The following GABRE variants were observed in gnomAD, a reference collection of about 807,000 sequenced individuals.
GABRE encodes gamma-aminobutyric acid receptor subunit epsilon.
Under a neutral mutation model 31.0 loss-of-function variants are expected in GABRE, and 20 were observed. The observed-to-expected ratio is 0.64, with a 90% CI of 0.45 to 0.94. The LOEUF (loss-of-function observed/expected upper bound fraction) is 0.94. GABRE is among the 40% of genes least tolerant of loss of function. The probability of loss-of-function intolerance (pLI) is 0.00; values close to 1 mark genes in which losing one functional copy is unlikely to be tolerated. For synonymous variants in GABRE, 155 were observed against 150.6 expected, an observed-to-expected ratio of 1.03 and a Z score of -0.21; for missense variants, 420 against 410.7, an observed-to-expected ratio of 1.02 and a Z score of -0.20.
intron 3 of GABRE, among the ~76,000 whole-genome samples, chrX:151,968,719 C>G (rs1934597378): frequency 8.9e-6 from 1 of 111,873 alleles, no homozygotes. Flanking sequence ...TGCAGAGCAT[C>G]ATTCATCACT....
chrX:151,974,120 A>G (rs998099500), intron 1 of GABRE, among the ~76,000 whole-genome samples: 4 of 111,208 alleles, frequency 3.6e-5, no homozygotes, highest in African/African-American at 1.3e-4. Context: ...ACACTCACAC[A>G]TTTTTGGCGC....
At chrX:151,958,248 G>C in intron 6 of GABRE, 1 of 180,579 alleles carries the variant, frequency 5.5e-6, no homozygotes, top group East Asian at 2.3e-4. Context: ...TCTGGAGGCA[G>C]GGCTGGACTC....
At chrX:151,968,345 T>C (rs1934586058) in intron 3 of GABRE, among the ~76,000 whole-genome samples, 1 of 112,189 alleles carries the variant, frequency 8.9e-6, no homozygotes, top group Non-Finnish European at 1.9e-5. Context: ...TGTGAGATAA[T>C]GATTATTTGT....
At chrX:151,955,174 T>C in intron 8 of GABRE, 90 bp from the exon 9 acceptor site, 1 of 1,173,824 alleles carries the variant, frequency 8.5e-7, no homozygotes, top group African/African-American at 1.8e-5. Flanking sequence ...AAACTGTCTT[T>C]GGCACACCAT....
At chrX:151,972,988 T>C (rs1289779179) in intron 1 of GABRE, among the ~76,000 whole-genome samples, 3 of 109,075 alleles carry the variant, frequency 2.8e-5, no homozygotes, top group Non-Finnish European at 5.7e-5. Context: ...CGACTGTTGG[T>C]GGTGTGAGAA....
At chrX:151,961,633 C>A (rs1934377140) in intron 4 of GABRE, among the ~76,000 whole-genome samples, 1 of 110,780 alleles carries the variant, frequency 9.0e-6, no homozygotes, top group South Asian at 3.8e-4. Context: ...CTAATTTTTG[C>A]ATTTTTAGTG....
chrX:151,969,723 C>A lies in GABRE; in HGVS notation c.288G>T (p.Val96=). The A allele has an allele frequency of 8.3e-7, 1 of 1,209,513 alleles. No individual in the cohort carries two copies. The highest frequency in any genetic ancestry group is 1.1e-6 in the Non-Finnish European group (1 of 894,405). Residue 96 remains valine, a synonymous_variant, in exon 3 of 9, where the codon GTG becomes GTT. Transcript: ENST00000370328. ...LRPGIGEKPT[V]VTVEISVNSL... ...TGTTGACGGAGATCTCAACAGTGAC[C>A]ACAGTGGGCTTCTCTATAAGGGAAG...
In GABRE at chrX:151,969,701, T is replaced by A; in HGVS notation, c.310A>T (p.Asn104Tyr). 1 of 1,209,956 alleles carries A rather than the reference T, an allele frequency of 8.3e-7. No homozygotes were observed. Among genetic ancestry groups the A allele is most frequent in the Middle Eastern group, 2.3e-4 (1 of 4,335 alleles). The change falls in exon 3 of 9, where the codon AAC (asparagine) becomes TAC (tyrosine). Residue 104 changes from asparagine (N) to tyrosine (Y), a missense_variant. Asn to Tyr is a moderately radical substitution (Grantham distance 143, BLOSUM62 -2). Coordinates refer to ENST00000370328, the MANE Select transcript of GABRE (RefSeq NM_004961.4). ...PTVVTVEISV[N>Y]SLGPLSILDM... The stretch of plus-strand genomic sequence containing the variant: ...AGGATAGAGAGAGGACCAAGGCTGT[T>A]GACGGAGATCTCAACAGTGACCACA...
Position 151,969,700 on chromosome X carries a change from T to C in GABRE, c.311A>G (p.Asn104Ser), listed in dbSNP as rs756137108. ...TAGGATAGAGAGAGGACCAAGGCTGTTGACGGAGATCTCAACAGTGACCAC... is the reference window on the plus strand; with the variant it reads ...TAGGATAGAGAGAGGACCAAGGCTGCTGACGGAGATCTCAACAGTGACCAC... ...PTVVTVEISVNSLGPLSILDM... is the reference protein window; with the variant it reads ...PTVVTVEISVSSLGPLSILDM... The change falls in exon 3 of 9, where the codon AAC becomes AGC. Residue 104 changes from asparagine (N) to serine (S), a missense_variant. Coordinates refer to ENST00000370328, the MANE Select transcript of GABRE (RefSeq NM_004961.4). 8.3e-7 allele frequency: 1 copy of C among 1,209,752 alleles called. No individual in the cohort carries two copies. Among genetic ancestry groups the C allele is most frequent in the Non-Finnish European group, 1.1e-6 (1 of 894,261 alleles).
intron 3 of GABRE, among the ~76,000 whole-genome samples, chrX:151,965,088 T>C (rs982412865): frequency 9.1e-6 from 1 of 110,080 alleles, no homozygotes; most frequent in Non-Finnish European, 1.9e-5. Context: ...GAGGCGGAGG[T>C]TGACGTGAGC....
chrX:151,954,508 G>A lies in GABRE; in HGVS notation c.*193C>T, dbSNP rs1061418. 41,307 of 414,123 alleles carry A rather than the reference G, an allele frequency of 0.1. 1,936 individuals carry two copies. Among genetic ancestry groups the A allele is most frequent in the Non-Finnish European group, 0.13 (31,366 of 237,130 alleles). 34.1% of individuals were successfully genotyped at this position (414,123 alleles called of 1,213,427 possible). ...ATAATTTGAAATGGTCTGCTGAGAA[G>A]ACTCAGTGAATGGGCCAGGTAGGGG... On this transcript the variant is annotated 3_prime_UTR_variant, in exon 9 of 9. Coordinates refer to ENST00000370328, the MANE Select transcript of GABRE (RefSeq NM_004961.4).
rs1428488277 is a variant in GABRE, at chrX:151,969,646, T to A, written c.342+23A>T. 5.0e-6 allele frequency: 6 copies of A among 1,195,223 alleles called. No homozygotes were observed. In the Admixed American group the frequency reaches 1.1e-4, roughly 22 times the overall value. On this transcript the variant is annotated intron_variant, in intron 3 of 8. Transcript: ENST00000370328. ...GGTCAGCCCCTGGGCTAGGAAATAG[T>A]ACTAAAAAAGCTTAGTACTCACCAT... is the stretch of plus-strand genomic sequence containing the variant.
At position 151,970,292 on chromosome X, in the gene GABRE, G is replaced by A. The variant is rs147529044; in HGVS notation, c.167C>T (p.Ser56Leu). 23 of 1,210,694 alleles carry A rather than the reference G, an allele frequency of 1.9e-5. No individual in the cohort carries two copies. The highest frequency in any genetic ancestry group is 2.3e-5 in the Non-Finnish European group (21 of 895,466). Residue 56 changes from serine (S) to leucine (L), a missense_variant, in exon 2 of 9, where the codon TCA (serine) becomes TTA (leucine). Physicochemically the swap from Ser to Leu is moderately radical, Grantham distance 145. Transcript: ENST00000370328. ...ENQLLSEETK[S>L]TETETGSRVG... ...TCTGCTCCCAGTCTCAGTCTCAGTTGACTTTGTTTCCTCAGAGAGGAGCTG... is the reference window on the plus strand; with the variant it reads ...TCTGCTCCCAGTCTCAGTCTCAGTTAACTTTGTTTCCTCAGAGAGGAGCTG...
At chrX:151,972,221 A>G (rs1385370122) in intron 1 of GABRE, 21 of 753,605 alleles carry the variant, frequency 2.8e-5, no homozygotes, top group Middle Eastern at 7.6e-4. Flanking sequence ...AGATGTGCCA[A>G]ATCCACACCA....
intron 1 of GABRE, among the ~76,000 whole-genome samples, chrX:151,973,504 G>A (rs927795321): frequency 8.1e-5 from 9 of 111,179 alleles, no homozygotes; most frequent in African/African-American, 3.0e-4. Context: ...CTTCTCTGAT[G>A]AGCTAACGCA....
chrX:151,960,955 A>C lies in GABRE; in HGVS notation c.646+328T>G, dbSNP rs183339039. On this transcript the variant is annotated intron_variant, in intron 5 of 8. Transcript: ENST00000370328. ...TTGGTGGTAGAGGTTTGGAGGAGAC[A>C]ATGAATTTCATTTTGGACATGTGCA... is the stretch of plus-strand genomic sequence containing the variant. Among the ~76,000 whole-genome samples, 5 of 111,677 alleles carry C rather than the reference A, an allele frequency of 4.5e-5. No individual in the cohort carries two copies. In the East Asian group the frequency reaches 1.4e-3, roughly 32 times the overall value.
chrX:151,959,278 C>T (rs750869985), intron 6 of GABRE: 26 of 237,345 alleles, frequency 1.1e-4, no homozygotes, highest in African/African-American at 6.9e-4. Flanking sequence ...ATGTGGAATC[C>T]ACCATGAAGC....
chrX:151,961,871 G>C (rs762000317), intron 4 of GABRE, among the ~76,000 whole-genome samples: 2 of 111,889 alleles, frequency 1.8e-5, no homozygotes, highest in East Asian at 5.6e-4. Context: ...AGAAGTATCT[G>C]GTTACTCTGG....
chrX:151,968,427 G>A (rs761101941), intron 3 of GABRE, among the ~76,000 whole-genome samples: 1 of 112,546 alleles, frequency 8.9e-6, no homozygotes, highest in East Asian at 2.8e-4. Context: ...TGAAGAATCA[G>A]GCAGCCAAAG....
Sources: gnomAD v4.1 joint callset for allele counts (sites outside exome capture counted in the v4.1 genomes callset) on GRCh38, gnomAD v4.1.1 for gene constraint, MANE v1.5 for transcripts, NCBI Gene and HGNC (gene_info 2026-07-23, HGNC 2026-07-21) for gene names.